The following MTUS1 variants were observed in gnomAD, a reference collection of about 807,000 sequenced individuals.
MTUS1 encodes the protein microtubule associated scaffold protein 1, also known as microtubule-associated tumor suppressor 1.
In MTUS1, 109 loss-of-function variants were observed where a neutral mutation model predicts 120.8. The observed-to-expected ratio is 0.90, with a 90% CI of 0.77 to 1.06. The LOEUF (loss-of-function observed/expected upper bound fraction) is 1.06, where lower values mean the gene tolerates loss of function less well. MTUS1 is among the 50% of genes least tolerant of loss of function. MTUS1 has a pLI of 0.00. For synonymous variants in MTUS1, 737 were observed against 550.5 expected (o/e 1.34, Z -4.74); for missense variants, 2,210 against 1,486.3 (o/e 1.49, Z -8.01).
intron 3 of MTUS1, among the ~76,000 whole-genome samples, chr8:17,727,785 A>G (rs2046316821): frequency 6.6e-6 from 1 of 152,234 alleles, no homozygotes; most frequent in African/African-American, 2.4e-5. Context: ...GTTTATTTTA[A>G]GCTCGTGCAC....
At chr8:17,743,839 A>G in intron 2 of MTUS1, 40 bp from the exon 3 acceptor site, 1 of 1,569,568 alleles carries the variant, frequency 6.4e-7, no homozygotes, top group Non-Finnish European at 8.7e-7. Flanking sequence ...CAAAACTAAA[A>G]TTCTAAGCCC....
At chr8:17,734,913 T>C (rs2046823763) in intron 3 of MTUS1, among the ~76,000 whole-genome samples, 1 of 107,412 alleles carries the variant, frequency 9.3e-6, no homozygotes. Context: ...CACACCAACT[T>C]TTTTTTTTTT....
intron 4 of MTUS1, among the ~76,000 whole-genome samples, chr8:17,718,744 G>A (rs563030921): frequency 8.6e-4 from 131 of 151,914 alleles, no homozygotes; most frequent in Non-Finnish European, 1.7e-3. Flanking sequence ...AGATTCTCTG[G>A]AATCTTTATC....
At chr8:17,783,057 G>A (rs998109276) in intron 1 of MTUS1, among the ~76,000 whole-genome samples, 4 of 151,642 alleles carry the variant, frequency 2.6e-5, no homozygotes, top group South Asian at 2.1e-4. Context: ...CAACCTGGGC[G>A]AAGAGAGTGA....
chr8:17,749,463 G>A (rs746259410), intron 2 of MTUS1, among the ~76,000 whole-genome samples: 15 of 151,738 alleles, frequency 9.9e-5, no homozygotes, highest in South Asian at 6.3e-4. Context: ...GTTCGAGACC[G>A]GCCTGGCCAA....
chr8:17,740,701 G>A (rs921495274), intron 3 of MTUS1, among the ~76,000 whole-genome samples: 1 of 152,104 alleles, frequency 6.6e-6, no homozygotes, highest in African/African-American at 2.4e-5. Context: ...AATACCAGAT[G>A]GGGTGGCTTA....
intron 3 of MTUS1, among the ~76,000 whole-genome samples, chr8:17,740,318 G>A (rs2131243952): frequency 6.6e-6 from 1 of 152,286 alleles, no homozygotes; most frequent in South Asian, 2.1e-4. Context: ...TTCAATACTG[G>A]GTCTGGTTTT....
At chr8:17,685,569 T>A (rs983993214) in intron 6 of MTUS1, among the ~76,000 whole-genome samples, 2 of 152,330 alleles carry the variant, frequency 1.3e-5, no homozygotes, top group African/African-American at 4.8e-5. Flanking sequence ...TAAAGAAATT[T>A]AGTAATTACT....
Position 17,718,276 on chromosome 8 carries a change from C to A in MTUS1, c.2450-2375G>T, listed in dbSNP as rs545136121. 2.0e-5 allele frequency among the ~76,000 whole-genome samples: 3 copies of A among 152,298 alleles called. No individual in the cohort carries two copies. The South Asian group carries it at 6.2e-4, about 32-fold the overall frequency. ...ATCTAAATTTTCCCTCAGCCAGAGT[C>A]ATTATATCCAAACAATAAAGTCCTC... On this transcript the variant is annotated intron_variant, in intron 4 of 14. Transcript: ENST00000693296.
At chr8:17,695,352 G>A (rs1347391725) in intron 6 of MTUS1, among the ~76,000 whole-genome samples, 1 of 152,178 alleles carries the variant, frequency 6.6e-6, no homozygotes, top group African/African-American at 2.4e-5. Context: ...CCAGGTTTTA[G>A]TCCTATCTCT....
chr8:17,677,826 C>T (rs1192180588), intron 7 of MTUS1, among the ~76,000 whole-genome samples: 1 of 152,186 alleles, frequency 6.6e-6, no homozygotes, highest in Non-Finnish European at 1.5e-5. Context: ...CCATTCCCCT[C>T]CTCCAAATGC....
At chr8:17,702,971 C>A (rs1397145948) in intron 6 of MTUS1, among the ~76,000 whole-genome samples, 1 of 152,162 alleles carries the variant, frequency 6.6e-6, no homozygotes, top group African/African-American at 2.4e-5. Flanking sequence ...ATCTCTTAAT[C>A]CTGTTATCTT....
chr8:17,716,798 C>T (rs1822433097), intron 4 of MTUS1, among the ~76,000 whole-genome samples: 1 of 152,178 alleles, frequency 6.6e-6, no homozygotes, highest in African/African-American at 2.4e-5. Context: ...TCGTGATCTG[C>T]CCGCCTCAGC....
intron 6 of MTUS1, chr8:17,697,703 G>A (rs573577594): frequency 2.5e-5 from 25 of 1,010,304 alleles, no homozygotes; most frequent in Middle Eastern, 5.0e-4. Flanking sequence ...GTTTTCATCC[G>A]AGATGGTAAA....
chr8:17,714,727 A>G (rs958058396), intron 5 of MTUS1, among the ~76,000 whole-genome samples: 2 of 152,092 alleles, frequency 1.3e-5, no homozygotes, highest in African/African-American at 4.8e-5. Flanking sequence ...AGTCACAAGG[A>G]AATGTGACAG....
At position 17,755,379 on chromosome 8, in the gene MTUS1, A is replaced by G. The variant is rs375324482; in HGVS notation, c.429T>C (p.Asn143=). Residue 143 remains asparagine (N), a synonymous_variant, in exon 2 of 15, where the codon AAT becomes AAC. Coordinates refer to ENST00000693296, the MANE Select transcript of MTUS1 (RefSeq NM_001363059.2). The part of the protein sequence containing the change: ...EPSLPFVWKP[N]DNLNCAGYCD... The stretch of plus-strand genomic sequence containing the variant: ...AGTAGCCTGCACAGTTCAAATTGTC[A>G]TTAGGCTTCCACACAAAAGGCAAAG... 7 of 1,614,070 alleles carry G rather than the reference A, an allele frequency of 4.3e-6. No homozygotes were observed. In the African/African-American group the frequency reaches 5.3e-5, roughly 12 times the overall value.
intron 1 of MTUS1, among the ~76,000 whole-genome samples, chr8:17,769,569 G>A (rs559070798): frequency 6.6e-6 from 1 of 151,482 alleles, no homozygotes; most frequent in African/African-American, 2.4e-5. Context: ...GGATGGTCTC[G>A]ATCTCCTGAC....
At chr8:17,769,051 C>T (rs2049800346) in intron 1 of MTUS1, among the ~76,000 whole-genome samples, 1 of 151,898 alleles carries the variant, frequency 6.6e-6, no homozygotes, top group Admixed American at 6.6e-5. Flanking sequence ...AATTAAAAAG[C>T]CTCTGCTTGG....
intron 6 of MTUS1, 85 bp downstream of exon 6, chr8:17,713,129 C>T (rs1187056734): frequency 1.2e-5 from 13 of 1,076,958 alleles, no homozygotes; most frequent in Non-Finnish European, 1.8e-5. Context: ...ATAAGCACAC[C>T]AGTAAAAAAT....
Sources: allele counts gnomAD v4.1 joint callset (sites outside exome capture counted in the v4.1 genomes callset), GRCh38; gene constraint gnomAD v4.1.1; transcripts MANE v1.5; gene names NCBI Gene and HGNC (gene_info 2026-07-23, HGNC 2026-07-21).